The following WHRN variants were observed in gnomAD, a reference collection of about 807,000 sequenced individuals.
WHRN encodes CASK-interacting protein CIP98.
Under a neutral mutation model 68.3 loss-of-function variants are expected in WHRN, and 41 were observed. The ratio of observed to expected loss-of-function variants is 0.60; its 90% CI spans 0.47 to 0.78. The LOEUF is 0.78. WHRN is among the 30% of genes least tolerant of loss of function. The pLI, the probability that WHRN is intolerant of heterozygous loss-of-function variation, is 0.00. For missense variants in WHRN, 1,243 were observed against 1,244.7 expected (o/e 1.00, Z 0.02); for synonymous variants, 560 against 561.3 (o/e 1.00, Z 0.03).
intron 3 of WHRN, among the ~76,000 whole-genome samples, chr9:114,458,731 T>A (rs1225062567): frequency 6.6e-6 from 1 of 152,084 alleles, no homozygotes; most frequent in Non-Finnish European, 1.5e-5. Context: ...TGTGTCTGCA[T>A]CATGCTCTGC....
chr9:114,436,676 A>G (rs932044363), intron 3 of WHRN, among the ~76,000 whole-genome samples: 3 of 152,086 alleles, frequency 2.0e-5, no homozygotes, highest in African/African-American at 7.2e-5. Context: ...CAAAAATACA[A>G]AAATTAGCCG....
Position 114,466,352 on chromosome 9 carries a change from G to C in WHRN, c.878C>G (p.Thr293Arg). 6.2e-7 allele frequency: 1 copy of C among 1,614,118 alleles called. No homozygotes were observed. The highest frequency in any genetic ancestry group is 8.5e-7 in the Non-Finnish European group (1 of 1,180,028). The part of the protein sequence containing the change: ...VLGDGRSLGL[T>R]IRGGAEYGLG... Reference sequence around the variant, plus strand: ...GCCGTACTCAGCTCCCCCACGGATCGTGAGGCCCAGGGACCGGCCGTCCCC... The same window carrying C: ...GCCGTACTCAGCTCCCCCACGGATCCTGAGGCCCAGGGACCGGCCGTCCCC... The change falls in exon 3 of 12, where the codon ACG becomes AGG. Residue 293 changes from threonine to arginine, a missense_variant. Thr to Arg is a moderately conservative substitution (Grantham distance 71, BLOSUM62 -1). Coordinates refer to ENST00000362057, the MANE Select transcript of WHRN (RefSeq NM_015404.4).
intron 2 of WHRN, among the ~76,000 whole-genome samples, chr9:114,467,665 G>C (rs1037974916): frequency 2.4e-4 from 37 of 152,176 alleles, no homozygotes; most frequent in African/African-American, 8.4e-4. Flanking sequence ...CGCAAGGGGT[G>C]GCTGCGGGCA....
rs527252587 is a variant in WHRN at position 114,461,618 on chromosome 9, G to A, written c.963+4649C>T. On this transcript the variant is annotated intron_variant, in intron 3 of 11. Transcript: ENST00000362057. ...CCACATGGGCCTTCCTCTGCACACTGGAACACTTCTTTCCACTTCAGGGAC... is the reference window on the plus strand; with the variant it reads ...CCACATGGGCCTTCCTCTGCACACTAGAACACTTCTTTCCACTTCAGGGAC... 2.3e-4 allele frequency among the ~76,000 whole-genome samples: 35 copies of A among 152,276 alleles called. 1 individual carries two copies. In the South Asian group the frequency reaches 3.9e-3, roughly 17 times the overall value.
chr9:114,406,547 G>C lies in WHRN; in HGVS notation c.2044C>G (p.Arg682Gly), dbSNP rs753228548. The change falls in exon 9 of 12, where the codon CGG becomes GGG. Residue 682 changes from arginine (R) to glycine (G), a missense_variant. Arg to Gly is a moderately radical substitution (Grantham distance 125, BLOSUM62 -2). Transcript: ENST00000362057. ...TTCAGGTGCGGGGGTGACTGGACCC[G>C]TGGGAAGGGGCCGATGGGGTGTTGG... ...VNQHPIGPFP[R>G]VQSPPHLKSP... The C allele has an allele frequency of 2.5e-6, 4 of 1,612,948 alleles. No homozygotes were observed. The East Asian group carries it at 6.7e-5, about 27-fold the overall frequency.
At chr9:114,424,194 G>A (rs1589106668) in intron 6 of WHRN, 140 bp downstream of exon 6, 1 of 972,062 alleles carries the variant, frequency 1.0e-6, no homozygotes, top group South Asian at 1.4e-5. Flanking sequence ...GGGGGCAGGA[G>A]GCTGCCTCAG....
chr9:114,489,472 A>G (rs1239963821), intron 1 of WHRN, among the ~76,000 whole-genome samples: 3 of 145,494 alleles, frequency 2.1e-5, no homozygotes, highest in Non-Finnish European at 4.5e-5. Flanking sequence ...ATACACACAC[A>G]CACACACGCA....
At chr9:114,403,454 T>C in intron 10 of WHRN, 115 bp from the exon 11 acceptor site, 2 of 1,406,828 alleles carry the variant, frequency 1.4e-6, no homozygotes, top group Non-Finnish European at 2.0e-6. Context: ...TCCAGCCCTG[T>C]GTCGGGAGCC....
intron 3 of WHRN, among the ~76,000 whole-genome samples, chr9:114,434,893 C>T (rs1037027786): frequency 6.6e-6 from 1 of 152,152 alleles, no homozygotes; most frequent in African/African-American, 2.4e-5. Context: ...AATCTCGCAC[C>T]TTCCTCCCCT....
Position 114,482,054 on chromosome 9 carries a change from G to A in WHRN, c.619-3283C>T, listed in dbSNP as rs149170086. ...GGTGAGGGATATAGCATTGTCCTGC[G>A]CACAGTAGGTATTTGTGAAACTTGT... On this transcript the variant is annotated intron_variant, in intron 1 of 11. Transcript: ENST00000362057. Among the ~76,000 whole-genome samples the A allele has an allele frequency of 9.7e-4, 148 of 152,088 alleles. 1 individual carries two copies. The highest frequency in any genetic ancestry group is 3.4e-3 in the African/African-American group (141 of 41,448).
At chr9:114,437,364 A>C (rs541462435) in intron 3 of WHRN, among the ~76,000 whole-genome samples, 4 of 152,334 alleles carry the variant, frequency 2.6e-5, no homozygotes, top group African/African-American at 9.6e-5. Flanking sequence ...CCTGACTCAA[A>C]TTCAATAAAA....
intron 3 of WHRN, among the ~76,000 whole-genome samples, chr9:114,439,378 G>C (rs1589139554): frequency 6.6e-6 from 1 of 152,138 alleles, no homozygotes; most frequent in African/African-American, 2.4e-5. Context: ...TCAGTTTAAG[G>C]ACAAAATAAA....
At chr9:114,430,426 T>C (rs1283792228) in intron 3 of WHRN, among the ~76,000 whole-genome samples, 1 of 152,246 alleles carries the variant, frequency 6.6e-6, no homozygotes, top group Non-Finnish European at 1.5e-5. Flanking sequence ...TGTGTTTTTA[T>C]TACTGAAAAT....
chr9:114,427,538 TC>T (rs1836988234), intron 3 of WHRN, among the ~76,000 whole-genome samples: 1 of 152,172 alleles, frequency 6.6e-6, no homozygotes, highest in African/African-American at 2.4e-5. Flanking sequence ...TTCCCCAGTT[TC>T]CCAGCCTGCT....
intron 7 of WHRN, among the ~76,000 whole-genome samples, chr9:114,411,378 C>A (rs1306553302): frequency 6.6e-6 from 1 of 152,198 alleles, no homozygotes; most frequent in East Asian, 1.9e-4. Flanking sequence ...TCAGAGGTAT[C>A]TACAGCAAAG....
chr9:114,502,133 G>A (rs1019498883), intron 1 of WHRN, among the ~76,000 whole-genome samples: 1 of 152,196 alleles, frequency 6.6e-6, no homozygotes, highest in Non-Finnish European at 1.5e-5. Flanking sequence ...TGTTGCTTCT[G>A]AAGGGTCCAA....
chr9:114,487,049 T>TA (rs1382122413), intron 1 of WHRN, among the ~76,000 whole-genome samples: 77 of 34,848 alleles, frequency 2.2e-3, no homozygotes, highest in African/African-American at 5.1e-3. Flanking sequence ...AGGTAAGAGA[T>TA]ACCAAAAAAA....
At chr9:114,432,788 T>C (rs1837534362) in intron 3 of WHRN, among the ~76,000 whole-genome samples, 1 of 152,232 alleles carries the variant, frequency 6.6e-6, no homozygotes, top group Non-Finnish European at 1.5e-5. Context: ...TAACATACAG[T>C]AACTGCATGG....
At chr9:114,495,385 G>A (rs937465278) in intron 1 of WHRN, among the ~76,000 whole-genome samples, 5 of 152,202 alleles carry the variant, frequency 3.3e-5, no homozygotes, top group African/African-American at 1.2e-4. Flanking sequence ...TGGTGGTGAC[G>A]GGGAAGAGGG....
Sources: allele counts gnomAD v4.1 joint callset (sites outside exome capture counted in the v4.1 genomes callset), GRCh38; gene constraint gnomAD v4.1.1; transcripts MANE v1.5; gene names NCBI Gene and HGNC (gene_info 2026-07-23, HGNC 2026-07-21).